The following TP63 variants were observed in gnomAD, a reference collection of about 807,000 sequenced individuals.
TP63 encodes the protein tumor protein p63.
TP63 carries 17 observed loss-of-function variants against 82.8 expected under a neutral mutation model. The ratio of observed to expected loss-of-function variants is 0.21; its 90% CI spans 0.14 to 0.31. The LOEUF (loss-of-function observed/expected upper bound fraction) is 0.31, where lower values mean the gene tolerates loss of function less well. TP63 is among the 10% of genes least tolerant of loss of function. The pLI, the probability that TP63 is intolerant of heterozygous loss-of-function variation, is 1.00. For synonymous variants in TP63, 330 were observed against 321.7 expected, an observed-to-expected ratio of 1.03 and a Z score of -0.28; for missense variants, 648 against 895.3, an observed-to-expected ratio of 0.72 and a Z score of 3.52.
chr3:189,741,368 A>G (rs1720974370), intron 3 of TP63, among the ~76,000 whole-genome samples: 1 of 152,216 alleles, frequency 6.6e-6, no homozygotes, highest in African/African-American at 2.4e-5. Context: ...CTTACCCAGG[A>G]TGTTAATAGC....
At chr3:189,800,952 T>C (rs1156357249) in intron 3 of TP63, among the ~76,000 whole-genome samples, 2 of 152,200 alleles carry the variant, frequency 1.3e-5, no homozygotes, top group Non-Finnish European at 2.9e-5. Flanking sequence ...ATTACTTTAT[T>C]GAAACTGATA....
the TP63 span, among the ~76,000 whole-genome samples, chr3:189,614,234 T>G: frequency 6.6e-6 from 1 of 151,930 alleles, no homozygotes; most frequent in Non-Finnish European, 1.5e-5. Context: ...GGGACCAGTC[T>G]TTCCTGTGCT....
At chr3:189,693,555 G>A (rs1377233795) in intron 1 of TP63, among the ~76,000 whole-genome samples, 2 of 152,208 alleles carry the variant, frequency 1.3e-5, no homozygotes, top group East Asian at 1.9e-4. Context: ...GGAGTGCTTC[G>A]TATACTAAAA....
intron 3 of TP63, among the ~76,000 whole-genome samples, chr3:189,790,239 A>G (rs899341051): frequency 2.0e-5 from 3 of 152,076 alleles, no homozygotes; most frequent in African/African-American, 7.2e-5. Context: ...ACTTCTTAGC[A>G]TAGTTCTATT....
At chr3:189,866,568 C>T in intron 5 of TP63, 114 bp from the exon 6 acceptor site, 1 of 936,672 alleles carries the variant, frequency 1.1e-6, no homozygotes, top group Non-Finnish European at 1.7e-6. Flanking sequence ...TGCACATTTT[C>T]TTTATTATAC....
intron 1 of TP63, among the ~76,000 whole-genome samples, chr3:189,677,337 TATATAA>T (rs1232639996): frequency 4.2e-4 from 61 of 146,444 alleles, no homozygotes; most frequent in Admixed American, 8.3e-4. Context: ...CATATTTATA[TATATAA>T]ATATATATAA....
the TP63 span, among the ~76,000 whole-genome samples, chr3:189,603,668 AAAAAAAAAG>A: frequency 3.0e-5 from 4 of 132,240 alleles, no homozygotes; most frequent in Admixed American, 7.5e-5. Context: ...AAAAAAAAAA[AAAAAAAAAG>A]AAGCACAGTC....
chr3:189,744,844 T>C (rs1270814412), intron 3 of TP63, among the ~76,000 whole-genome samples: 1 of 152,136 alleles, frequency 6.6e-6, no homozygotes, highest in African/African-American at 2.4e-5. Context: ...ATGGTACCAG[T>C]GTACACTGCC....
intron 9 of TP63, 49 bp from the exon 10 acceptor site, chr3:189,872,810 G>T: frequency 6.2e-7 from 1 of 1,613,470 alleles, no homozygotes. Context: ...ACTTCTAACA[G>T]TTCTACAGCT....
the TP63 span, among the ~76,000 whole-genome samples, chr3:189,610,192 T>C: frequency 1.3e-5 from 2 of 152,222 alleles, no homozygotes; most frequent in African/African-American, 4.8e-5. Context: ...AAGTGTCTGT[T>C]CATGCAATTT....
chr3:189,771,302 A>ATATATAAATATATTATATATT (rs1723327275), intron 3 of TP63, among the ~76,000 whole-genome samples: 1 of 123,390 alleles, frequency 8.1e-6, no homozygotes, highest in Admixed American at 8.6e-5. Context: ...TATTATATTT[A>ATATATAAATATATTATATATT]TATATATAAT....
chr3:189,858,949 A>G (rs1474929530), intron 4 of TP63, among the ~76,000 whole-genome samples: 1 of 152,188 alleles, frequency 6.6e-6, no homozygotes, highest in Admixed American at 6.5e-5. Context: ...AATAGGGGTT[A>G]CCAGAGGCTG....
chr3:189,643,424 A>G (rs1187816937), intron 1 of TP63, among the ~76,000 whole-genome samples: 1 of 150,694 alleles, frequency 6.6e-6, no homozygotes. Flanking sequence ...ACTTGGAGTC[A>G]CTTACTTCAA....
At chr3:189,737,334 A>C (rs1402198636) in intron 1 of TP63, among the ~76,000 whole-genome samples, 1 of 152,176 alleles carries the variant, frequency 6.6e-6, no homozygotes, top group Non-Finnish European at 1.5e-5. Flanking sequence ...TGGTGGCAGA[A>C]TGGGCAGATA....
rs544610909 is a variant in TP63, at chr3:189,730,055, A to G, written c.63-7685A>G. 2.6e-5 allele frequency among the ~76,000 whole-genome samples: 4 copies of G among 152,224 alleles called. No individual in the cohort carries two copies. The East Asian group carries it at 7.7e-4, about 29-fold the overall frequency. On this transcript the variant is annotated intron_variant, in intron 1 of 13. Transcript: ENST00000264731. The stretch of plus-strand genomic sequence containing the variant: ...AAGCTAACCCGAAGACTCATTTTGC[A>G]AAAGATCTAGGGAGGTGGATAATGA...
chr3:189,634,011 C>T (rs1189124313), intron 1 of TP63, among the ~76,000 whole-genome samples: 3 of 152,022 alleles, frequency 2.0e-5, no homozygotes, highest in Non-Finnish European at 2.9e-5. Context: ...AGTGAATAAA[C>T]AAGTGAATAA....
intron 4 of TP63, among the ~76,000 whole-genome samples, chr3:189,810,394 T>C (rs976153851): frequency 2.0e-5 from 3 of 152,218 alleles, no homozygotes; most frequent in African/African-American, 7.2e-5. Flanking sequence ...GTCTCCATTA[T>C]ATTAGGAGTC....
At chr3:189,756,350 G>A (rs567940955) in intron 3 of TP63, among the ~76,000 whole-genome samples, 27 of 152,094 alleles carry the variant, frequency 1.8e-4, no homozygotes, top group East Asian at 9.7e-4. Context: ...TATTCACTCC[G>A]TTTAGACTGA....
At chr3:189,772,209 C>A (rs1370590511) in intron 3 of TP63, among the ~76,000 whole-genome samples, 2 of 152,150 alleles carry the variant, frequency 1.3e-5, no homozygotes, top group African/African-American at 4.8e-5. Flanking sequence ...TCTTCATAAC[C>A]TAATGCTCTA....
Sources: allele counts gnomAD v4.1 joint callset (sites outside exome capture counted in the v4.1 genomes callset), GRCh38; gene constraint gnomAD v4.1.1; transcripts MANE v1.5; gene names NCBI Gene and HGNC (gene_info 2026-07-23, HGNC 2026-07-21).